The following LRGUK variants were observed in gnomAD, a reference collection of about 807,000 sequenced individuals.
The protein encoded by LRGUK is leucine rich repeats and guanylate kinase domain containing.
A neutral mutation model predicts 76.0 loss-of-function variants in LRGUK; 65 were observed. The observed-to-expected ratio is 0.85, with a 90% CI of 0.70 to 1.05. The LOEUF (loss-of-function observed/expected upper bound fraction) is 1.05, where lower values mean the gene tolerates loss of function less well. LRGUK is among the 50% of genes least tolerant of loss of function. The pLI is 0.00. For missense variants in LRGUK, 758 were observed against 732.8 expected (o/e 1.03, Z -0.40); for synonymous variants, 268 against 265.6 (o/e 1.01, Z -0.09).
At chr7:134,225,482 G>C (rs963080304) in intron 16 of LRGUK, among the ~76,000 whole-genome samples, 1 of 152,196 alleles carries the variant, frequency 6.6e-6, no homozygotes, top group Non-Finnish European at 1.5e-5. Context: ...CCTGATGGTA[G>C]TAATTTGCAG....
At chr7:134,197,156 GGT>G in intron 13 of LRGUK, 51 bp downstream of exon 13, 7 of 1,075,546 alleles carry the variant, frequency 6.5e-6, no homozygotes, top group Admixed American at 2.0e-5. Context: ...GTGTGAGTGT[GGT>G]GTGTGTGTAT....
chr7:134,158,071 G>T (rs1798561699), exon 6 of LRGUK: 4 of 1,612,868 alleles, frequency 2.5e-6, no homozygotes, highest in Non-Finnish European at 3.4e-6. Context: ...CTAGAGATGT[G>T]CAACAACCTA....
intron 19 of LRGUK, among the ~76,000 whole-genome samples, chr7:134,258,966 C>T (rs1284518373): frequency 6.6e-6 from 1 of 152,162 alleles, no homozygotes; most frequent in East Asian, 1.9e-4. Context: ...TCCACCCGGC[C>T]ACATTATCTG....
chr7:134,213,294 T>C (rs1256256857), downstream of LRGUK, among the ~76,000 whole-genome samples: 1 of 152,016 alleles, frequency 6.6e-6, no homozygotes, highest in Non-Finnish European at 1.5e-5. Context: ...AGGAGAGCAA[T>C]ACAGGAAGCA....
intron 7 of LRGUK, among the ~76,000 whole-genome samples, chr7:134,164,892 T>C (rs1271294795): frequency 6.6e-6 from 1 of 152,214 alleles, no homozygotes; most frequent in Non-Finnish European, 1.5e-5. Context: ...TTAAGTTGTT[T>C]TGGCAACTTC....
Position 134,220,436 on chromosome 7 carries a change from G to C in LRGUK, c.1844-1343G>C, listed in dbSNP as rs966343729. On this transcript the variant is annotated intron_variant, in intron 15 of 19. Coordinates refer to the LRGUK transcript ENST00000285928. ...CAAGTTCAGATTCCAAACCAAAGTA[G>C]AGTCTGATTTCCTACAGGTGTTTCT... Among the ~76,000 whole-genome samples the C allele has an allele frequency of 2.0e-5, 3 of 152,162 alleles. No individual in the cohort carries two copies. The East Asian group carries it at 5.8e-4, about 29-fold the overall frequency.
chr7:134,188,449 A>G (rs1405679314), intron 11 of LRGUK, among the ~76,000 whole-genome samples: 2 of 152,108 alleles, frequency 1.3e-5, no homozygotes, highest in South Asian at 2.1e-4. Flanking sequence ...CCTGTTGGCA[A>G]TTTGGGAAAG....
At chr7:134,177,958 T>C (rs1799551117) in intron 9 of LRGUK, among the ~76,000 whole-genome samples, 1 of 152,154 alleles carries the variant, frequency 6.6e-6, no homozygotes, top group Non-Finnish European at 1.5e-5. Flanking sequence ...GATGAAGAAC[T>C]GTACATTATG....
intron 15 of LRGUK, among the ~76,000 whole-genome samples, chr7:134,204,819 G>A (rs1800933299): frequency 6.6e-6 from 1 of 152,176 alleles, no homozygotes; most frequent in African/African-American, 2.4e-5. Flanking sequence ...AAGGTGCCAA[G>A]GAATGGGGAC....
intron 10 of LRGUK, among the ~76,000 whole-genome samples, chr7:134,182,561 G>A (rs1017813267): frequency 3.3e-5 from 5 of 152,046 alleles, no homozygotes; most frequent in South Asian, 4.1e-4. Context: ...GTGGGAATTC[G>A]GAGAGATTGA....
chr7:134,143,307 G>A (rs529324857), intron 4 of LRGUK, 145 bp downstream of exon 4: 3 of 596,436 alleles, frequency 5.0e-6, no homozygotes, highest in African/African-American at 3.7e-5. Context: ...TAAAAAAGAA[G>A]GCTTTGTGTA....
rs546666507 is a variant in LRGUK, at chr7:134,162,221, G to A, written c.796-1176G>A. 3.3e-5 allele frequency among the ~76,000 whole-genome samples: 5 copies of A among 152,278 alleles called. No individual in the cohort carries two copies. The East Asian group carries it at 5.8e-4, about 18-fold the overall frequency. ...AATCTGAGCCAGGCTCAGCTGGGAG[G>A]TTCTTCCACTGGGCTTGCTGCATTT... On this transcript the variant is annotated intron_variant, in intron 6 of 15. Transcript: ENST00000645682.
At chr7:134,183,006 T>A (rs745635535) in intron 10 of LRGUK, among the ~76,000 whole-genome samples, 1 of 152,244 alleles carries the variant, frequency 6.6e-6, no homozygotes, top group Non-Finnish European at 1.5e-5. Context: ...GTGATCTGCC[T>A]CAGCCTCCCA....
intron 4 of LRGUK, among the ~76,000 whole-genome samples, chr7:134,146,863 G>T (rs1381721059): frequency 1.3e-5 from 2 of 152,164 alleles, no homozygotes; most frequent in African/African-American, 4.8e-5. Context: ...GTAATTGCTT[G>T]ATGGTTTTCC....
chr7:134,172,453 C>T (rs4538812), intron 7 of LRGUK, among the ~76,000 whole-genome samples: 21,758 of 152,046 alleles, frequency 0.14, 2,218 homozygotes, highest in East Asian at 0.38. Flanking sequence ...AAATCTAATT[C>T]TTTACAAAAA....
chr7:134,220,883 T>A (rs1416682778), intron 15 of LRGUK, among the ~76,000 whole-genome samples: 2 of 152,114 alleles, frequency 1.3e-5, no homozygotes, highest in African/African-American at 2.4e-5. Flanking sequence ...TCGGGTCTTG[T>A]GTGCCAAGCA....
downstream of LRGUK, among the ~76,000 whole-genome samples, chr7:134,266,399 A>G (rs2117240059): frequency 6.6e-6 from 1 of 152,354 alleles, no homozygotes; most frequent in East Asian, 1.9e-4. Context: ...AAACAAATGA[A>G]GAGATAGATA....
chr7:134,142,320 C>T (rs954925129), intron 3 of LRGUK, among the ~76,000 whole-genome samples: 8 of 152,194 alleles, frequency 5.3e-5, no homozygotes, highest in Non-Finnish European at 1.2e-4. Flanking sequence ...TAATTCATTC[C>T]CCTACCTCTG....
intron 2 of LRGUK, among the ~76,000 whole-genome samples, chr7:134,138,957 T>C (rs1797645781): frequency 6.6e-6 from 1 of 151,860 alleles, no homozygotes; most frequent in Admixed American, 6.6e-5. Flanking sequence ...TTTGATCAGA[T>C]GAGATTATTG....
Sources: allele counts gnomAD v4.1 joint callset (sites outside exome capture counted in the v4.1 genomes callset), GRCh38; gene constraint gnomAD v4.1.1; transcripts MANE v1.5; gene names NCBI Gene and HGNC (gene_info 2026-07-23, HGNC 2026-07-21).